The following COL28A1 variants were observed in gnomAD, a reference collection of about 807,000 sequenced individuals.
COL28A1 encodes the protein collagen alpha-1(XXVIII) chain.
Under a neutral mutation model 150.2 loss-of-function variants are expected in COL28A1, and 161 were observed. The observed-to-expected ratio is 1.07, with a 90% CI of 0.94 to 1.22. COL28A1 has a LOEUF of 1.22. Among genes scored for constraint, COL28A1 ranks in the 50% most tolerant of loss-of-function variants. The probability of loss-of-function intolerance (pLI) is 0.00; values close to 1 mark genes in which losing one functional copy is unlikely to be tolerated. For synonymous variants in COL28A1, 552 were observed against 469.7 expected (o/e 1.18, Z -2.26); for missense variants, 1,617 against 1,388.3 (o/e 1.16, Z -2.62).
rs760760756 is a variant in COL28A1 at position 7,373,547 on chromosome 7, C to A, written c.2360-1G>T. 5.6e-6 allele frequency: 9 copies of A among 1,604,772 alleles called. No individual in the cohort carries two copies. Among genetic ancestry groups the A allele is most frequent in the East Asian group, 2.2e-5 (1 of 44,726 alleles). On this transcript the variant is annotated splice_acceptor_variant, in intron 31 of 34. Coordinates refer to ENST00000399429, the MANE Select transcript of COL28A1 (RefSeq NM_001037763.3). LOFTEE classifies it high-confidence loss of function. The surrounding 1 kb of genome is among the most constrained non-coding windows in gnomAD (Gnocchi z 4.1). Reference sequence around the variant, plus strand: ...GTCTCTTTGCATTTGGGCCCACAACCTAAAAGATGAATGTTGAGAGAGAAA... The same window carrying A: ...GTCTCTTTGCATTTGGGCCCACAACATAAAAGATGAATGTTGAGAGAGAAA...
At chr7:7,409,340 G>A (rs1220250663) in intron 27 of COL28A1, among the ~76,000 whole-genome samples, 1 of 152,056 alleles carries the variant, frequency 6.6e-6, no homozygotes, top group East Asian at 1.9e-4. Context: ...TATATGGACA[G>A]AATCTGTTAC....
chr7:7,449,356 T>A (rs940735882), intron 18 of COL28A1, among the ~76,000 whole-genome samples: 29 of 152,046 alleles, frequency 1.9e-4, no homozygotes, highest in African/African-American at 7.0e-4. Context: ...AGTAATCATT[T>A]ATATTTAATA....
chr7:7,429,980 G>C (rs925780905), intron 25 of COL28A1, among the ~76,000 whole-genome samples: 4 of 152,150 alleles, frequency 2.6e-5, no homozygotes, highest in Non-Finnish European at 4.4e-5. Flanking sequence ...TGAACCCTTT[G>C]TTTCTTACCT....
chr7:7,513,425 G>A (rs571091694), intron 8 of COL28A1, among the ~76,000 whole-genome samples: 130 of 152,274 alleles, frequency 8.5e-4, no homozygotes, highest in African/African-American at 2.8e-3. Context: ...GGTACTGCCT[G>A]GGCTCTTGCA....
intron 27 of COL28A1, among the ~76,000 whole-genome samples, chr7:7,417,199 A>T (rs953058972): frequency 3.9e-5 from 6 of 151,928 alleles, no homozygotes; most frequent in African/African-American, 1.5e-4. Context: ...GAGTCCCAGC[A>T]TGCTGGACAA....
chr7:7,475,067 A>G lies in COL28A1; in HGVS notation c.1234-398T>C, dbSNP rs144160555. On this transcript the variant is annotated intron_variant, in intron 14 of 34. Transcript: ENST00000399429. ...CACACAAGGAAAATTTATTTCTCGTACTAATATGTGAACTAATACTTGCTA... is the reference window on the plus strand; with the variant it reads ...CACACAAGGAAAATTTATTTCTCGTGCTAATATGTGAACTAATACTTGCTA... Among the ~76,000 whole-genome samples the G allele has an allele frequency of 6.9e-3, 1,057 of 152,262 alleles. 38 individuals carry two copies. Among genetic ancestry groups the G allele is most frequent in the Admixed American group, 0.052 (787 of 15,274 alleles).
the COL28A1 span, among the ~76,000 whole-genome samples, chr7:7,340,788 C>T: frequency 1.3e-5 from 2 of 152,078 alleles, no homozygotes; most frequent in South Asian, 4.1e-4. Flanking sequence ...CATCTATAAT[C>T]ATTTGCAAAC....
upstream of COL28A1, among the ~76,000 whole-genome samples, chr7:7,537,214 T>C (rs570876515): frequency 6.6e-6 from 1 of 152,316 alleles, no homozygotes; most frequent in East Asian, 1.9e-4. Context: ...GAACCAGCCC[T>C]GGACAGGATG....
intron 13 of COL28A1, among the ~76,000 whole-genome samples, chr7:7,477,761 C>T (rs1789029683): frequency 6.6e-6 from 1 of 152,166 alleles, no homozygotes. Context: ...AACAAAGCTT[C>T]CACGGTATGG....
intron 3 of COL28A1, among the ~76,000 whole-genome samples, chr7:7,524,628 TATTTTCA>T (rs1781921854): frequency 6.6e-6 from 1 of 152,230 alleles, no homozygotes; most frequent in South Asian, 2.1e-4. Flanking sequence ...TATAATTGTA[TATTTTCA>T]ATTTTTTCCA....
At chr7:7,528,558 A>G (rs181331924) in intron 3 of COL28A1, among the ~76,000 whole-genome samples, 7 of 152,314 alleles carry the variant, frequency 4.6e-5, no homozygotes, top group Non-Finnish European at 1.0e-4. Context: ...TCTATTCTAC[A>G]ATAAAAGGGA....
Position 7,532,339 on chromosome 7 carries a change from T to C in COL28A1, c.124+413A>G, listed in dbSNP as rs191836917. On this transcript the variant is annotated intron_variant, in intron 2 of 34. Coordinates refer to ENST00000399429, the MANE Select transcript of COL28A1 (RefSeq NM_001037763.3). Reference sequence around the variant, plus strand: ...TTGAAATCAAGGGAGAAAATGACTATACCCCCTATACCAAGAGTAAGTGGA... The same window carrying C: ...TTGAAATCAAGGGAGAAAATGACTACACCCCCTATACCAAGAGTAAGTGGA... 3.6e-3 allele frequency among the ~76,000 whole-genome samples: 550 copies of C among 152,182 alleles called. 2 individuals carry two copies. The highest frequency in any genetic ancestry group is 6.0e-3 in the Non-Finnish European group (411 of 67,976).
At chr7:7,390,913 G>A (rs944532282) in intron 27 of COL28A1, among the ~76,000 whole-genome samples, 4 of 151,610 alleles carry the variant, frequency 2.6e-5, no homozygotes, top group Non-Finnish European at 5.9e-5. Flanking sequence ...CTATTGTGTT[G>A]ATCTTTTCAA....
At chr7:7,353,650 C>G (rs1028045942), downstream of COL28A1, among the ~76,000 whole-genome samples, 1 of 152,122 alleles carries the variant, frequency 6.6e-6, no homozygotes, top group African/African-American at 2.4e-5. Flanking sequence ...TCAGGTTGTC[C>G]TTGCAGTATT....
chr7:7,426,855 T>A (rs1784664989), intron 25 of COL28A1, among the ~76,000 whole-genome samples: 1 of 152,220 alleles, frequency 6.6e-6, no homozygotes, highest in South Asian at 2.1e-4. Flanking sequence ...TTATTTAGCT[T>A]GGTTAGAAAC....
intron 16 of COL28A1, among the ~76,000 whole-genome samples, chr7:7,455,266 G>A (rs1787051396): frequency 6.6e-6 from 1 of 152,152 alleles, no homozygotes; most frequent in South Asian, 2.1e-4. Context: ...GAATTTGTGG[G>A]TTGCTTTGAT....
intron 3 of COL28A1, among the ~76,000 whole-genome samples, chr7:7,526,431 T>C (rs1399487190): frequency 6.6e-6 from 1 of 152,206 alleles, no homozygotes; most frequent in African/African-American, 2.4e-5. Context: ...TCTGATTTAT[T>C]AAAATACGTA....
intron 8 of COL28A1, among the ~76,000 whole-genome samples, chr7:7,513,222 C>T (rs774968506): frequency 5.9e-5 from 9 of 152,066 alleles, no homozygotes; most frequent in African/African-American, 1.9e-4. Flanking sequence ...AGCAGCCTTG[C>T]GAGGTATATA....
intron 27 of COL28A1, among the ~76,000 whole-genome samples, chr7:7,405,307 T>C (rs1323104832): frequency 1.3e-5 from 2 of 152,144 alleles, no homozygotes; most frequent in Non-Finnish European, 2.9e-5. Context: ...CAGGAAAATA[T>C]AGCAAATATG....
Sources: gnomAD v4.1 joint callset for allele counts (sites outside exome capture counted in the v4.1 genomes callset) on GRCh38, gnomAD v4.1.1 for gene constraint, Gnocchi (gnomAD v3.1) non-coding constraint, MANE v1.5 for transcripts, NCBI Gene and HGNC (gene_info 2026-07-23, HGNC 2026-07-21) for gene names.